CLCN5: variants seen among roughly 807,000 people sequenced by gnomAD.
CLCN5 encodes the protein Cl-/H+ antiporter 5, also known as H(+)/Cl(-) exchange transporter 5.
In CLCN5, 17 loss-of-function variants were observed where a neutral mutation model predicts 54.0. That is an observed-to-expected ratio of 0.31 (90% CI 0.22 to 0.47). The LOEUF (loss-of-function observed/expected upper bound fraction) is 0.47. Among genes scored for constraint, CLCN5 ranks in the 20% least tolerant of loss-of-function variants. The probability of loss-of-function intolerance (pLI) is 1.00; values close to 1 mark genes in which losing one functional copy is unlikely to be tolerated. For synonymous variants in CLCN5, 222 were observed against 233.0 expected (o/e 0.95, Z 0.43); for missense variants, 448 against 646.7 (o/e 0.69, Z 3.33).
intron 3 of CLCN5, among the ~76,000 whole-genome samples, chrX:49,978,668 GTTAA>G (rs1337214579): frequency 3.6e-5 from 4 of 112,230 alleles, no homozygotes; most frequent in African/African-American, 1.3e-4. Flanking sequence ...ACATGTCCAT[GTTAA>G]TTGTCTCTCT....
At chrX:50,062,305 G>A (rs1932867940) in intron 4 of CLCN5, among the ~76,000 whole-genome samples, 2 of 57,294 alleles carry the variant, frequency 3.5e-5, no homozygotes, top group Non-Finnish European at 6.0e-5. Context: ...ATAAAAGGAT[G>A]GAGGAAGATC....
At chrX:50,008,055 C>A (rs186502541) in intron 3 of CLCN5, among the ~76,000 whole-genome samples, 1 of 112,202 alleles carries the variant, frequency 8.9e-6, no homozygotes, top group African/African-American at 3.2e-5. Flanking sequence ...CCAGACTCAC[C>A]AAGTCAGAAA....
chrX:49,970,570 C>CA (rs1928157538), intron 3 of CLCN5, among the ~76,000 whole-genome samples: 2 of 111,748 alleles, frequency 1.8e-5, no homozygotes, highest in African/African-American at 6.5e-5. Flanking sequence ...TAGCAGGTAG[C>CA]AAACAGTACT....
At chrX:50,068,034 A>G (rs1602108137) in intron 4 of CLCN5, 1 of 112,148 alleles carries the variant, frequency 8.9e-6, no homozygotes, top group Middle Eastern at 4.6e-3. Flanking sequence ...CTCATTTGAT[A>G]TATAGTGTAT....
chrX:49,961,561 G>A (rs896917589), intron 3 of CLCN5, among the ~76,000 whole-genome samples: 3 of 111,641 alleles, frequency 2.7e-5, no homozygotes, highest in Non-Finnish European at 5.6e-5. Context: ...ATAATCGAGT[G>A]CCAGATGCCA....
At chrX:50,047,802 A>T (rs61126251) in intron 4 of CLCN5, among the ~76,000 whole-genome samples, 12,363 of 110,827 alleles carry the variant, frequency 0.11, 1,715 homozygotes, top group African/African-American at 0.39. Context: ...GTTTTTCTCA[A>T]GATTACAATG....
At chrX:49,966,157 C>T (rs916002115) in intron 3 of CLCN5, among the ~76,000 whole-genome samples, 1 of 110,843 alleles carries the variant, frequency 9.0e-6, no homozygotes, top group Non-Finnish European at 1.9e-5. Context: ...ATTATTTCTT[C>T]CTTCAATGTT....
At chrX:50,013,625 A>G (rs782652347) in intron 3 of CLCN5, among the ~76,000 whole-genome samples, 1 of 112,344 alleles carries the variant, frequency 8.9e-6, no homozygotes, top group Non-Finnish European at 1.9e-5. Flanking sequence ...GCTGAAAGGA[A>G]GGAGCCTTAT....
chrX:50,031,400 A>G (rs1931693007), intron 3 of CLCN5, among the ~76,000 whole-genome samples: 1 of 111,799 alleles, frequency 8.9e-6, no homozygotes, highest in Non-Finnish European at 1.9e-5. Flanking sequence ...CCCAAGTACA[A>G]TTTGTCCATG....
At chrX:50,065,950 G>A (rs1189828944) in intron 4 of CLCN5, among the ~76,000 whole-genome samples, 1 of 92,274 alleles carries the variant, frequency 1.1e-5, no homozygotes, top group Non-Finnish European at 2.1e-5. Flanking sequence ...CTCATAGGTG[G>A]GAATTGAACA....
intron 3 of CLCN5, among the ~76,000 whole-genome samples, chrX:49,959,064 G>A (rs1557174252): frequency 1.8e-5 from 2 of 110,254 alleles, no homozygotes; most frequent in African/African-American, 6.6e-5. Flanking sequence ...AGATCATGGG[G>A]GATTGATAAT....
At chrX:50,081,555 G>A in intron 8 of CLCN5, 86 bp from the exon 9 acceptor site, 4 of 717,525 alleles carry the variant, frequency 5.6e-6, no homozygotes, top group Non-Finnish European at 8.8e-6. Context: ...AAAAGGTGCA[G>A]TTTCTATAAT....
intron 3 of CLCN5, among the ~76,000 whole-genome samples, chrX:49,927,069 T>A (rs1182852088): frequency 9.0e-6 from 1 of 111,095 alleles, no homozygotes; most frequent in Non-Finnish European, 1.9e-5. Context: ...TTGGATGACC[T>A]GTTTGGGTTG....
intron 3 of CLCN5, among the ~76,000 whole-genome samples, chrX:50,007,082 A>G (rs782789700): frequency 9.2e-6 from 1 of 109,122 alleles, no homozygotes; most frequent in Non-Finnish European, 1.9e-5. Flanking sequence ...CCCTAACTCT[A>G]CTCTCTTTGC....
At chrX:50,061,874 T>G (rs1932859331) in intron 4 of CLCN5, among the ~76,000 whole-genome samples, 1 of 47,384 alleles carries the variant, frequency 2.1e-5, no homozygotes, top group Non-Finnish European at 3.6e-5. Context: ...AAGAAAAGAA[T>G]TTTCAACCCA....
intron 3 of CLCN5, among the ~76,000 whole-genome samples, chrX:49,928,789 G>A (rs1213983190): frequency 9.0e-6 from 1 of 111,425 alleles, no homozygotes; most frequent in African/African-American, 3.3e-5. Flanking sequence ...GTCGGGCATG[G>A]TGGCGGGTGC....
intron 3 of CLCN5, among the ~76,000 whole-genome samples, chrX:49,957,288 A>G (rs1349126175): frequency 9.0e-6 from 1 of 111,495 alleles, no homozygotes; most frequent in Non-Finnish European, 1.9e-5. Context: ...CGACAGAGTG[A>G]GACTCTGTCT....
intron 3 of CLCN5, 56 bp from the exon 4 acceptor site, chrX:50,042,260 C>A: frequency 3.3e-6 from 2 of 597,949 alleles, no homozygotes; most frequent in Middle Eastern, 3.5e-4. Context: ...GCAAATGTTA[C>A]GTGTAAGGGA....
At chrX:49,984,865 C>T (rs1285603718) in intron 3 of CLCN5, among the ~76,000 whole-genome samples, 6 of 110,728 alleles carry the variant, frequency 5.4e-5, no homozygotes, top group Non-Finnish European at 9.4e-5. Context: ...TATCCTCACA[C>T]CTTGACTTCC....
Sources: allele counts gnomAD v4.1 joint callset (sites outside exome capture counted in the v4.1 genomes callset), GRCh38; gene constraint gnomAD v4.1.1; transcripts MANE v1.5; gene names NCBI Gene and HGNC (gene_info 2026-07-23, HGNC 2026-07-21).